The following ITGB3 variants were observed in gnomAD, a reference collection of about 807,000 sequenced individuals.
The protein encoded by ITGB3 is integrin beta-3.
In ITGB3, 48 loss-of-function variants were observed where a neutral mutation model predicts 85.8. The observed-to-expected ratio is 0.56, with a 90% CI of 0.44 to 0.71. ITGB3 has a LOEUF of 0.71. Among genes scored for constraint, ITGB3 ranks in the 30% least tolerant of loss-of-function variants. The pLI is 0.00. For missense variants in ITGB3, 861 were observed against 1,019.1 expected (o/e 0.84, Z 2.11); for synonymous variants, 363 against 395.6 (o/e 0.92, Z 0.98).
At chr17:47,294,300 T>C (rs2065137919) in intron 10 of ITGB3, among the ~76,000 whole-genome samples, 1 of 152,176 alleles carries the variant, frequency 6.6e-6, no homozygotes, top group African/African-American at 2.4e-5. Context: ...GGGAAGAAGG[T>C]TGGGGACTGA....
At position 47,300,548 on chromosome 17, in the gene ITGB3, C is replaced by G. The variant is rs151219882; in HGVS notation, c.1984C>G (p.Arg662Gly). Reference sequence around the variant, plus strand: ...CGAAAATACCTGCAACCGTTACTGCCGTGACGAGATTGAGTCAGTGAAAGA... The same window carrying G: ...CGAAAATACCTGCAACCGTTACTGCGGTGACGAGATTGAGTCAGTGAAAGA... Reference protein sequence around the residue: ...HDENTCNRYCRDEIESVKELK... With the variant: ...HDENTCNRYCGDEIESVKELK... Residue 662 changes from arginine (R) to glycine (G), a missense_variant, in exon 12 of 15, where the codon CGT (arginine) becomes GGT (glycine). Transcript: ENST00000559488. 4 of 1,613,914 alleles carry G rather than the reference C, an allele frequency of 2.5e-6. No individual in the cohort carries two copies. In the African/African-American group the frequency reaches 5.3e-5, roughly 22 times the overall value.
intron 14 of ITGB3, among the ~76,000 whole-genome samples, chr17:47,307,852 CTT>C (rs2065195134): frequency 6.6e-6 from 1 of 152,124 alleles, no homozygotes. Context: ...ATCTCATTCT[CTT>C]CTTTCTCCTC....
chr17:47,276,155 T>C (rs1299682929), intron 2 of ITGB3, among the ~76,000 whole-genome samples: 1 of 152,096 alleles, frequency 6.6e-6, no homozygotes, highest in African/African-American at 2.4e-5. Flanking sequence ...CTTTTCCTCC[T>C]TCCCTCCTTT....
rs1293180389 is a variant in ITGB3, at chr17:47,311,931, G to A, written c.*1727G>A. ...TTTGAGAAATGATGGGATTTTAGCA[G>A]CCAGTCTTGAAGGTCTCTTTCAGTA... is the stretch of plus-strand genomic sequence containing the variant. On this transcript the variant is annotated 3_prime_UTR_variant, in exon 15 of 15. Transcript: ENST00000559488. 1 of 152,380 alleles carries A rather than the reference G, an allele frequency of 6.6e-6. No individual in the cohort carries two copies. The highest frequency in any genetic ancestry group is 1.5e-5 in the Non-Finnish European group (1 of 68,050). 9.4% of individuals were successfully genotyped at this position (152,380 alleles called of 1,614,324 possible). A position where few individuals can be genotyped will look rare whatever the true frequency, so the allele number is the denominator to read the frequency against.
chr17:47,258,323 G>C lies in ITGB3; in HGVS notation c.79+4383G>C, dbSNP rs565948852. On this transcript the variant is annotated intron_variant, in intron 1 of 14. Transcript: ENST00000559488. ...GGAAATGACTCTGTTTAGGGGAACT[G>C]CCTATTCCCCGTGTGGGAACTGCTG... Among the ~76,000 whole-genome samples, 13 of 152,216 alleles carry C rather than the reference G, an allele frequency of 8.5e-5. No individual in the cohort carries two copies. The East Asian group carries it at 2.5e-3, about 29-fold the overall frequency.
intron 11 of ITGB3, 142 bp from the exon 12 acceptor site, chr17:47,300,336 C>CGT (rs1555573407): frequency 4.4e-5 from 16 of 364,302 alleles, no homozygotes; most frequent in South Asian, 7.6e-5. Flanking sequence ...GTCTTACAGG[C>CGT]GCGCGCGCGC....
intron 9 of ITGB3, chr17:47,291,499 C>G: frequency 2.9e-6 from 1 of 345,842 alleles, no homozygotes. Flanking sequence ...TCCAGTCTCT[C>G]CACGACTTTC....
At chr17:47,306,253 A>G (rs16941861) in intron 13 of ITGB3, among the ~76,000 whole-genome samples, 13,062 of 151,996 alleles carry the variant, frequency 0.086, 607 homozygotes, top group East Asian at 0.19. Flanking sequence ...CAGGAATATA[A>G]GAATCTCTCT....
rs145952955 is a variant in ITGB3 at position 47,262,005 on chromosome 17, A to T, written c.79+8065A>T. Among the ~76,000 whole-genome samples, 30 of 152,382 alleles carry T rather than the reference A, an allele frequency of 2.0e-4. 1 individual carries two copies. In the Middle Eastern group the frequency reaches 0.01, roughly 52 times the overall value. On this transcript the variant is annotated intron_variant, in intron 1 of 14. Transcript: ENST00000559488. ...CATTCCCAATTATTTGCTACTACAA[A>T]TAAAGCTGCAGGGGATATCCTTATT... is the stretch of plus-strand genomic sequence containing the variant.
chr17:47,312,889 A>G lies in ITGB3; in HGVS notation c.*2685A>G, dbSNP rs1350374577. On this transcript the variant is annotated 3_prime_UTR_variant, in exon 15 of 15. Coordinates refer to ENST00000559488, the MANE Select transcript of ITGB3 (RefSeq NM_000212.3). ...ATGTCCAGTCTCAGGATCTGTGGAC[A>G]ATAACGGAAAACTTTGAATATTCCT... Among the ~76,000 whole-genome samples the G allele has an allele frequency of 6.6e-6, 1 of 152,100 alleles. No homozygotes were observed. The highest frequency in any genetic ancestry group is 1.5e-5 in the Non-Finnish European group (1 of 68,032).
intron 1 of ITGB3, among the ~76,000 whole-genome samples, chr17:47,265,498 A>T (rs2143044110): frequency 6.6e-6 from 1 of 152,062 alleles, no homozygotes; most frequent in East Asian, 1.9e-4. Flanking sequence ...TATCACTCCA[A>T]TCTCTGCCTC....
At chr17:47,267,163 CAG>C (rs373788318) in intron 1 of ITGB3, among the ~76,000 whole-genome samples, 2 of 152,296 alleles carry the variant, frequency 1.3e-5, no homozygotes, top group African/African-American at 2.4e-5. Context: ...CTGTTGTGCT[CAG>C]AGTTTTACAG....
At chr17:47,290,088 A>G (rs1402673342) in intron 7 of ITGB3, 97 bp from the exon 8 acceptor site, 2 of 922,880 alleles carry the variant, frequency 2.2e-6, no homozygotes, top group South Asian at 1.3e-5. Flanking sequence ...CCTTCCTCCA[A>G]TCTTCATCTC....
In ITGB3 at chr17:47,277,490, T is replaced by TC. The variant is rs2065068156; in HGVS notation, c.165+2988dup. 2.0e-5 allele frequency among the ~76,000 whole-genome samples: 3 copies of TC among 152,146 alleles called. No individual in the cohort carries two copies. The East Asian group carries it at 5.8e-4, about 29-fold the overall frequency. On this transcript the variant is annotated intron_variant, in intron 2 of 14. Transcript: ENST00000559488. The stretch of plus-strand genomic sequence containing the variant: ...TACTCAGGAGGCTGGAGTGGGAGAA[T>TC]CCTCTGAGCCCAGGAGTTTGAGGCA...
At chr17:47,278,913 T>C (rs970968518) in intron 2 of ITGB3, among the ~76,000 whole-genome samples, 1 of 152,116 alleles carries the variant, frequency 6.6e-6, no homozygotes, top group South Asian at 2.1e-4. Context: ...CATGGAAAAA[T>C]TGTCTTCCCT....
chr17:47,283,338 G>A lies in ITGB3; in HGVS notation c.166-16G>A, dbSNP rs780246569. On this transcript the variant is annotated splice_polypyrimidine_tract_variant and intron_variant, in intron 2 of 14. Transcript: ENST00000559488. ...GCTCTGATTGCTGGACTTCTCTTTG[G>A]GCTCCTGTCTTACAGGCCCTGCCTC... The A allele has an allele frequency of 6.8e-6, 11 of 1,613,790 alleles. No homozygotes were observed. In the South Asian group the frequency reaches 1.2e-4, roughly 18 times the overall value.
At position 47,299,179 on chromosome 17, in the gene ITGB3, C is replaced by A; in HGVS notation, c.1691-129C>A. ...GGGTAGGACTCCCCTGGGTGGTGAG[C>A]CAATTCCCTGCCAACCTGGAGGATC... On this transcript the variant is annotated intron_variant, in intron 10 of 14. Coordinates refer to ENST00000559488, the MANE Select transcript of ITGB3 (RefSeq NM_000212.3). This position sits in a 1 kb window ranked among gnomAD's most constrained non-coding sequence, Gnocchi z 5.1. The A allele has an allele frequency of 1.1e-6, 1 of 918,302 alleles. No individual in the cohort carries two copies. The highest frequency in any genetic ancestry group is 1.7e-6 in the Non-Finnish European group (1 of 582,410). The allele number at this position is 918,302 out of a possible 1,614,324, so 56.9% of individuals were successfully genotyped here. A position where few individuals can be genotyped will look rare whatever the true frequency, so the allele number is the denominator to read the frequency against.
At chr17:47,277,207 T>G (rs1174309886) in intron 2 of ITGB3, among the ~76,000 whole-genome samples, 1 of 152,180 alleles carries the variant, frequency 6.6e-6, no homozygotes, top group Non-Finnish European at 1.5e-5. Flanking sequence ...ACGCGTAGTC[T>G]TAGTCTCAAC....
rs117178969 is a variant in ITGB3 at position 47,256,194 on chromosome 17, G to A, written c.79+2254G>A. On this transcript the variant is annotated intron_variant, in intron 1 of 14. Coordinates refer to ENST00000559488, the MANE Select transcript of ITGB3 (RefSeq NM_000212.3). Reference sequence around the variant, plus strand: ...TCCTTTAAGATATCTGGTCAGGCACGGTGGCTCACGCCTGTAATCCCAGCA... The same window carrying A: ...TCCTTTAAGATATCTGGTCAGGCACAGTGGCTCACGCCTGTAATCCCAGCA... Among the ~76,000 whole-genome samples, 818 of 152,102 alleles carry A rather than the reference G, an allele frequency of 5.4e-3. 5 individuals carry two copies. Among genetic ancestry groups the A allele is most frequent in the Non-Finnish European group, 8.6e-3 (588 of 68,012 alleles).
Sources: allele counts gnomAD v4.1 joint callset (sites outside exome capture counted in the v4.1 genomes callset), GRCh38; gene constraint gnomAD v4.1.1; non-coding constraint Gnocchi (gnomAD v3.1); transcripts MANE v1.5; gene names NCBI Gene and HGNC (gene_info 2026-07-23, HGNC 2026-07-21).